C1QBP: variants seen among roughly 807,000 people sequenced by gnomAD.
C1QBP encodes the protein complement component 1 Q subcomponent-binding protein, mitochondrial.
In C1QBP, 24 loss-of-function variants were observed where a neutral mutation model predicts 29.4. The ratio of observed to expected loss-of-function variants is 0.82; its 90% CI spans 0.59 to 1.15. The LOEUF is 1.15. Among genes scored for constraint, C1QBP ranks in the 50% most tolerant of loss-of-function variants. C1QBP has a pLI of 0.00. For synonymous variants in C1QBP, 182 were observed against 149.2 expected (o/e 1.22, Z -1.60); for missense variants, 337 against 355.8 (o/e 0.95, Z 0.43).
Position 5,433,342 on chromosome 17 carries a change from G to C in C1QBP, c.650C>G (p.Ser217Cys). 1 of 1,614,104 alleles carries C rather than the reference G, an allele frequency of 6.2e-7. No individual in the cohort carries two copies. Among genetic ancestry groups the C allele is most frequent in the Non-Finnish European group, 8.5e-7 (1 of 1,180,028 alleles). The change falls in exon 5 of 6, where the codon TCT becomes TGT. Residue 217 changes from serine (S) to cysteine (C), a missense_variant. Transcript: ENST00000225698. ...REVSFQSTGE[S>C]EWKDTNYTLN... The stretch of plus-strand genomic sequence containing the variant: ...TGTATAATTAGTATCCTTCCATTCA[G>C]ACTCGCCAGTGGACTGAAAGCTAAC...
chr17:5,435,298 G>A (rs1341423917), intron 2 of C1QBP, among the ~76,000 whole-genome samples: 3 of 152,216 alleles, frequency 2.0e-5, no homozygotes, highest in Admixed American at 2.0e-4. Flanking sequence ...TGCTGACTGG[G>A]CATCTCATGG....
intron 2 of C1QBP, among the ~76,000 whole-genome samples, chr17:5,435,248 T>C (rs1433618665): frequency 2.6e-5 from 4 of 152,164 alleles, no homozygotes; most frequent in Non-Finnish European, 5.9e-5. Flanking sequence ...ATGCATGGGT[T>C]ACTCCCAACA....
chr17:5,438,242 A>G lies in C1QBP; in HGVS notation c.264T>C (p.Asp88=), dbSNP rs748207889. Residue 88 remains aspartate (D), a synonymous_variant, in exon 2 of 6, where the codon GAT becomes GAC. Transcript: ENST00000225698. Reference sequence around the variant, plus strand: ...GAATTTTTCTTTCCTCCTTAATTTCATCACTCAGGAAATCAACAAAAGCTT... The same window carrying G: ...GAATTTTTCTTTCCTCCTTAATTTCGTCACTCAGGAAATCAACAAAAGCTT... The part of the protein sequence containing the change: ...GDKAFVDFLS[D]EIKEERKIQK... 24 of 1,613,994 alleles carry G rather than the reference A, an allele frequency of 1.5e-5. No homozygotes were observed. In the Admixed American group the frequency reaches 3.7e-4, roughly 25 times the overall value.
rs185872411 is a variant in C1QBP, at chr17:5,437,555, A to G, written c.383+568T>C. On this transcript the variant is annotated intron_variant, in intron 2 of 5. Coordinates refer to ENST00000225698, the MANE Select transcript of C1QBP (RefSeq NM_001212.4). ...TTAGCCAGGATTTTCTCCTGACCTCATGATCTGCCCGTCCCAAAGTGCTGG... is the reference window on the plus strand; with the variant it reads ...TTAGCCAGGATTTTCTCCTGACCTCGTGATCTGCCCGTCCCAAAGTGCTGG... Among the ~76,000 whole-genome samples the G allele has an allele frequency of 3.3e-5, 5 of 152,318 alleles. 1 individual carries two copies. Among genetic ancestry groups the G allele is most frequent in the African/African-American group, 1.2e-4 (5 of 41,568 alleles).
rs1361468756 is a variant in C1QBP, at chr17:5,438,948, G to A, written c.126C>T (p.Pro42=). The A allele has an allele frequency of 3.3e-6, 5 of 1,520,690 alleles. No individual in the cohort carries two copies. Among genetic ancestry groups the A allele is most frequent in the African/African-American group, 1.4e-5 (1 of 69,268 alleles). 94.2% of individuals were successfully genotyped at this position (1,520,690 alleles called of 1,614,324 possible). A position where few individuals can be genotyped will look rare whatever the true frequency, so the allele number is the denominator to read the frequency against. ...CTGCGCGCACGCTGAGCAGCCCGAAGGGCCGGGTGCACAGCCGGGGTGCCG... is the reference window on the plus strand; with the variant it reads ...CTGCGCGCACGCTGAGCAGCCCGAAAGGCCGGGTGCACAGCCGGGGTGCCG... ...LQPAPRLCTR[P]FGLLSVRAGS... is the part of the protein sequence containing the mutation. Residue 42 remains proline (P), a synonymous_variant, in exon 1 of 6, where the codon CCC becomes CCT. Transcript: ENST00000225698.
chr17:5,437,328 G>A (rs903348073), intron 2 of C1QBP, among the ~76,000 whole-genome samples: 7 of 152,208 alleles, frequency 4.6e-5, no homozygotes, highest in African/African-American at 1.2e-4. Context: ...CAATTATGAA[G>A]GAAATTCAAT....
At chr17:5,436,657 A>G in intron 2 of C1QBP, among the ~76,000 whole-genome samples, 1 of 151,748 alleles carries the variant, frequency 6.6e-6, no homozygotes. Context: ...GGGAAACAGT[A>G]CTTACAAATC....
intron 3 of C1QBP, 46 bp from the exon 4 acceptor site, chr17:5,433,813 G>A (rs1451983085): frequency 6.6e-7 from 1 of 1,523,946 alleles, no homozygotes; most frequent in Non-Finnish European, 9.1e-7. Context: ...GAAGGAGATG[G>A]ATGGCTGGAT....
Position 5,432,901 on chromosome 17 carries a change from T to C in C1QBP, c.*114A>G, listed in dbSNP as rs2151675496. 4 of 1,263,122 alleles carry C rather than the reference T, an allele frequency of 3.2e-6. No homozygotes were observed. Among genetic ancestry groups the C allele is most frequent in the Non-Finnish European group, 3.2e-6 (3 of 927,204 alleles). 78.2% of individuals were successfully genotyped at this position (1,263,122 alleles called of 1,614,324 possible). A position where few individuals can be genotyped will look rare whatever the true frequency, so the allele number is the denominator to read the frequency against. ...CATATAATTTAAATTTGGTATTTTT[T>C]CCCCCATGATATTAGGATGATAATC... is the stretch of plus-strand genomic sequence containing the variant. On this transcript the variant is annotated 3_prime_UTR_variant, in exon 6 of 6. Coordinates refer to ENST00000225698, the MANE Select transcript of C1QBP (RefSeq NM_001212.4).
intron 3 of C1QBP, among the ~76,000 whole-genome samples, chr17:5,434,430 T>G (rs1475074695): frequency 6.6e-6 from 1 of 151,530 alleles, no homozygotes; most frequent in Non-Finnish European, 1.5e-5. Flanking sequence ...CATGATCCAG[T>G]TAAAGTCTCT....
At chr17:5,436,035 ACT>A (rs1464765853) in intron 2 of C1QBP, among the ~76,000 whole-genome samples, 55 of 90,276 alleles carry the variant, frequency 6.1e-4, no homozygotes, top group South Asian at 5.8e-3. Flanking sequence ...ACACAGCAAG[ACT>A]CTGTCAGAAA....
At position 5,433,784 on chromosome 17, in the gene C1QBP, T is replaced by G. The variant is rs376538615; in HGVS notation, c.478-17A>C. ...CAGTTCAGGCTGGGGAAACAAGAAGTCAATACATGCTGCTGCTGGAAGGAG... is the reference window on the plus strand; with the variant it reads ...CAGTTCAGGCTGGGGAAACAAGAAGGCAATACATGCTGCTGCTGGAAGGAG... On this transcript the variant is annotated splice_polypyrimidine_tract_variant and intron_variant, in intron 3 of 5. Transcript: ENST00000225698. 6.2e-7 allele frequency: 1 copy of G among 1,603,142 alleles called. No homozygotes were observed.
At chr17:5,433,486 C>T in intron 4 of C1QBP, 71 bp from the exon 5 acceptor site, 1 of 1,591,130 alleles carries the variant, frequency 6.3e-7, no homozygotes. Context: ...AGAAAGGGGG[C>T]CACTGACAGC....
chr17:5,432,893 G>C lies in C1QBP; in HGVS notation c.*122C>G. Reference sequence around the variant, plus strand: ...ACACAAAACATATAATTTAAATTTGGTATTTTTTCCCCCATGATATTAGGA... The same window carrying C: ...ACACAAAACATATAATTTAAATTTGCTATTTTTTCCCCCATGATATTAGGA... On this transcript the variant is annotated 3_prime_UTR_variant, in exon 6 of 6. Transcript: ENST00000225698. 1 of 1,172,012 alleles carries C rather than the reference G, an allele frequency of 8.5e-7. No individual in the cohort carries two copies. The highest frequency in any genetic ancestry group is 1.2e-6 in the Non-Finnish European group (1 of 851,426). The allele number at this position is 1,172,012 out of a possible 1,614,324, so 72.6% of individuals were successfully genotyped here. A position where few individuals can be genotyped will look rare whatever the true frequency, so the allele number is the denominator to read the frequency against.
intron 2 of C1QBP, among the ~76,000 whole-genome samples, chr17:5,437,901 CACT>C (rs769180146): frequency 1.3e-5 from 2 of 152,212 alleles, no homozygotes; most frequent in African/African-American, 2.4e-5. Context: ...TACTTTTTTG[CACT>C]ACATTTTTGT....
intron 2 of C1QBP, 62 bp downstream of exon 2, chr17:5,438,061 C>A: frequency 6.4e-7 from 1 of 1,568,234 alleles, no homozygotes; most frequent in Non-Finnish European, 8.6e-7. Flanking sequence ...TGGGGATGAC[C>A]CAGGATGGGT....
rs556979926 is a variant in C1QBP, at chr17:5,436,044, GAAA to G, written c.384-1081_384-1079del. ...CTGGAGACACAGCAAGACTCTGTCAGAAAAAAAAAAAAAAAAAAAAGAGTACAT... is the reference window on the plus strand; with the variant it reads ...CTGGAGACACAGCAAGACTCTGTCAGAAAAAAAAAAAAAAAAAGAGTACAT... On this transcript the variant is annotated intron_variant, in intron 2 of 5. Transcript: ENST00000225698. Among the ~76,000 whole-genome samples, 36 of 85,316 alleles carry G rather than the reference GAAA, an allele frequency of 4.2e-4. 2 individuals carry two copies. In the South Asian group the frequency reaches 9.3e-3, roughly 22 times the overall value. 56.0% of individuals were successfully genotyped at this position (85,316 alleles called of 152,430 possible).
At chr17:5,436,044 GAAAAAAAAAA>G (rs556979926) in intron 2 of C1QBP, among the ~76,000 whole-genome samples, 1 of 85,314 alleles carries the variant, frequency 1.2e-5, no homozygotes, top group Non-Finnish European at 2.3e-5. Context: ...GACTCTGTCA[GAAAAAAAAAA>G]AAAAAAAAAA....
At position 5,439,050 on chromosome 17, in the gene C1QBP, C is replaced by A. The variant is rs1284901960; in HGVS notation, c.24G>T (p.Val8=). ...CGACGGAGGAGCCCAGCACACGGGG[C>A]ACGCAGCGCAGCAGAGGCAGCATCG... MLPLLRC[V]PRVLGSSVAG... is the part of the protein sequence containing the mutation. The change falls in exon 1 of 6, where the codon GTG becomes GTT. Residue 8 remains valine, a synonymous_variant. Coordinates refer to ENST00000225698, the MANE Select transcript of C1QBP (RefSeq NM_001212.4). 3 of 1,530,384 alleles carry A rather than the reference C, an allele frequency of 2.0e-6. No homozygotes were observed. In the South Asian group the frequency reaches 3.6e-5, roughly 18 times the overall value. The allele number at this position is 1,530,384 out of a possible 1,614,324, so 94.8% of individuals were successfully genotyped here.
Sources: allele counts gnomAD v4.1 joint callset (sites outside exome capture counted in the v4.1 genomes callset), GRCh38; gene constraint gnomAD v4.1.1; transcripts MANE v1.5; gene names NCBI Gene and HGNC (gene_info 2026-07-23, HGNC 2026-07-21).